Variants in IGF2BP3 observed in about 807,000 individuals in gnomAD.
IGF2BP3 encodes insulin like growth factor 2 mRNA binding protein 3, also known as insulin-like growth factor 2 mRNA-binding protein 3.
A neutral mutation model predicts 73.8 loss-of-function variants in IGF2BP3; 9 were observed. The ratio of observed to expected loss-of-function variants is 0.12; its 90% CI spans 0.07 to 0.21. The LOEUF is 0.21. IGF2BP3 is among the 10% of genes least tolerant of loss of function. The pLI is 1.00. For synonymous variants in IGF2BP3, 258 were observed against 256.7 expected, an observed-to-expected ratio of 1.01 and a Z score of -0.05; for missense variants, 542 against 714.0, an observed-to-expected ratio of 0.76 and a Z score of 2.75.
Position 23,458,000 on chromosome 7 carries a change from T to C in IGF2BP3, c.236+10482A>G, listed in dbSNP as rs143298211. ...CCCAAAAGAGAACAAAGATCTTCCA[T>C]GTTTCTGTTATCACCATCAAATCTA... On this transcript the variant is annotated intron_variant, in intron 2 of 14. Transcript: ENST00000258729. Among the ~76,000 whole-genome samples, 6 of 152,342 alleles carry C rather than the reference T, an allele frequency of 3.9e-5. No homozygotes were observed. The East Asian group carries it at 1.2e-3, about 29-fold the overall frequency.
At chr7:23,449,344 C>G in intron 2 of IGF2BP3, among the ~76,000 whole-genome samples, 1 of 151,706 alleles carries the variant, frequency 6.6e-6, no homozygotes, top group East Asian at 2.0e-4. Flanking sequence ...GGTGAAACCC[C>G]GTCTCTACTA....
intron 8 of IGF2BP3, among the ~76,000 whole-genome samples, 167 bp from the exon 9 acceptor site, chr7:23,344,020 G>A (rs274046): frequency 0.05 from 7,588 of 152,224 alleles, 326 homozygotes; most frequent in African/African-American, 0.11. Context: ...ACGTAAATCC[G>A]AAACTGTAAA....
At chr7:23,430,682 T>G (rs1787652210) in intron 2 of IGF2BP3, among the ~76,000 whole-genome samples, 1 of 152,248 alleles carries the variant, frequency 6.6e-6, no homozygotes, top group Admixed American at 6.5e-5. Flanking sequence ...AGTTTAATAC[T>G]GTACTCCAAG....
intron 2 of IGF2BP3, among the ~76,000 whole-genome samples, chr7:23,439,476 G>T (rs1259631389): frequency 6.7e-6 from 1 of 148,532 alleles, no homozygotes; most frequent in African/African-American, 2.5e-5. Flanking sequence ...GGAGAATGGC[G>T]TGAGTAGGGG....
rs746947549 is a variant in IGF2BP3, at chr7:23,342,159, G to A, written c.1108C>T (p.Leu370=). The part of the protein sequence containing the change: ...LQAHLIPGLN[L]NALGLFPPTS... ...GGTGGGAACAGACCCAAGGCGTTCA[G>A]ATTTAATCCAGGAATTAAATGTGCT... The change falls in exon 10 of 15, where the codon CTG becomes TTG. Residue 370 remains leucine, a synonymous_variant. Transcript: ENST00000258729. 9.9e-6 allele frequency: 16 copies of A among 1,613,758 alleles called. No homozygotes were observed. In the South Asian group the frequency reaches 1.2e-4, roughly 12 times the overall value.
intron 3 of IGF2BP3, among the ~76,000 whole-genome samples, chr7:23,384,095 CAAAAAAAAAAA>C (rs35378177): frequency 1.6e-5 from 1 of 62,530 alleles, no homozygotes; most frequent in African/African-American, 4.8e-5. Flanking sequence ...GACTCCATCT[CAAAAAAAAAAA>C]AAAAAAAAAA....
At chr7:23,353,545 C>T (rs1471580622) in intron 5 of IGF2BP3, among the ~76,000 whole-genome samples, 1 of 152,254 alleles carries the variant, frequency 6.6e-6, no homozygotes, top group Non-Finnish European at 1.5e-5. Context: ...CCCAGAACTG[C>T]TGCTCACTGC....
At chr7:23,343,445 T>C (rs1365869101) in intron 9 of IGF2BP3, among the ~76,000 whole-genome samples, 2 of 152,214 alleles carry the variant, frequency 1.3e-5, no homozygotes, top group African/African-American at 4.8e-5. Flanking sequence ...AGAGGTACTA[T>C]ATTAACCTTT....
At chr7:23,377,108 TAAA>T (rs574747906) in intron 3 of IGF2BP3, among the ~76,000 whole-genome samples, 1 of 147,678 alleles carries the variant, frequency 6.8e-6, no homozygotes, top group South Asian at 2.2e-4. Flanking sequence ...TGACAAAATT[TAAA>T]AAAAAAACTG....
intron 2 of IGF2BP3, among the ~76,000 whole-genome samples, chr7:23,446,405 T>C (rs972173570): frequency 4.0e-5 from 6 of 151,788 alleles, no homozygotes; most frequent in African/African-American, 1.5e-4. Flanking sequence ...CTACTAAAAA[T>C]ACAAAAAATT....
chr7:23,338,981 G>C (rs527325763), intron 10 of IGF2BP3, among the ~76,000 whole-genome samples: 22 of 152,330 alleles, frequency 1.4e-4, no homozygotes, highest in African/African-American at 5.3e-4. Context: ...ATTCTGCAAA[G>C]AACACAGATT....
At chr7:23,450,239 C>T (rs1169281389) in intron 2 of IGF2BP3, among the ~76,000 whole-genome samples, 1 of 152,190 alleles carries the variant, frequency 6.6e-6, no homozygotes, top group African/African-American at 2.4e-5. Context: ...AGCACTTCTG[C>T]TACCTATCCT....
chr7:23,389,015 A>G (rs903970264), intron 3 of IGF2BP3, among the ~76,000 whole-genome samples: 6 of 152,214 alleles, frequency 3.9e-5, no homozygotes, highest in African/African-American at 7.2e-5. Flanking sequence ...TCACATGTGT[A>G]TATGTATGTT....
chr7:23,350,404 C>T (rs971645479), intron 6 of IGF2BP3, among the ~76,000 whole-genome samples: 3 of 152,220 alleles, frequency 2.0e-5, no homozygotes, highest in Non-Finnish European at 4.4e-5. Flanking sequence ...TCCCAGCACA[C>T]TCACAGGTTC....
chr7:23,451,546 A>T (rs918522529), intron 2 of IGF2BP3, among the ~76,000 whole-genome samples: 6 of 152,012 alleles, frequency 3.9e-5, no homozygotes, highest in African/African-American at 1.5e-4. Context: ...GTGAGATGAG[A>T]TTGCACCATT....
Position 23,465,998 on chromosome 7 carries a change from T to C in IGF2BP3, c.236+2484A>G, listed in dbSNP as rs1289929856. On this transcript the variant is annotated intron_variant, in intron 2 of 14. Transcript: ENST00000258729. ...AGGGTCAGTTAAAATAACTGTAATA[T>C]AGATTTCCAGAGGCAGAGAAAAAAG... Among the ~76,000 whole-genome samples, 3 of 151,420 alleles carry C rather than the reference T, an allele frequency of 2.0e-5. 1 individual carries two copies. Among genetic ancestry groups the C allele is most frequent in the Non-Finnish European group, 2.9e-5 (2 of 67,942 alleles).
chr7:23,341,928 A>G (rs1784722683), intron 10 of IGF2BP3, 136 bp downstream of exon 10: 1 of 973,194 alleles, frequency 1.0e-6, no homozygotes, highest in African/African-American at 1.7e-5. Flanking sequence ...TCTACTCCAC[A>G]AAGGGCCAAA....
At chr7:23,459,951 A>G (rs184190879) in intron 2 of IGF2BP3, among the ~76,000 whole-genome samples, 2 of 152,172 alleles carry the variant, frequency 1.3e-5, no homozygotes, top group East Asian at 3.9e-4. Context: ...AGTGAAGGCC[A>G]GGCACAGTAG....
chr7:23,447,572 C>G (rs951267547), intron 2 of IGF2BP3, among the ~76,000 whole-genome samples: 4 of 151,472 alleles, frequency 2.6e-5, no homozygotes, highest in African/African-American at 4.9e-5. Flanking sequence ...TGCAGCCAGC[C>G]GAGATCCCAC....
Sources: gnomAD v4.1 joint callset for allele counts (sites outside exome capture counted in the v4.1 genomes callset) on GRCh38, gnomAD v4.1.1 for gene constraint, MANE v1.5 for transcripts, NCBI Gene and HGNC (gene_info 2026-07-23, HGNC 2026-07-21) for gene names.